SPATC1: variants seen among roughly 807,000 people sequenced by gnomAD.
SPATC1 encodes spermatogenesis and centriole associated 1, also known as speriolin.
SPATC1 carries 35 observed loss-of-function variants against 36.5 expected under a neutral mutation model. The ratio of observed to expected loss-of-function variants is 0.96; its 90% CI spans 0.73 to 1.27. SPATC1 has a LOEUF of 1.27. Among genes scored for constraint, SPATC1 ranks in the 50% most tolerant of loss-of-function variants. SPATC1 has a pLI of 0.00. For missense variants in SPATC1, 779 were observed against 796.0 expected, an observed-to-expected ratio of 0.98 and a Z score of 0.26; for synonymous variants, 361 against 353.6, an observed-to-expected ratio of 1.02 and a Z score of -0.24.
At chr8:144,024,865 C>T (rs1413591369) in intron 1 of SPATC1, among the ~76,000 whole-genome samples, 1 of 16,972 alleles carries the variant, frequency 5.9e-5, no homozygotes, top group African/African-American at 1.9e-4. Flanking sequence ...CCCTGAGGAA[C>T]CTTTCCTTTC....
At chr8:144,026,744 T>C (rs1411671114) in intron 1 of SPATC1, among the ~76,000 whole-genome samples, 4 of 152,188 alleles carry the variant, frequency 2.6e-5, no homozygotes, top group African/African-American at 7.2e-5. Flanking sequence ...GCCATTTGTA[T>C]ATCTTTTGAG....
chr8:144,030,512 C>G (rs1834772395), intron 1 of SPATC1, among the ~76,000 whole-genome samples: 1 of 152,178 alleles, frequency 6.6e-6, no homozygotes, highest in African/African-American at 2.4e-5. Context: ...GCATCAGCCA[C>G]CACGCCTGGC....
At chr8:144,042,037 C>G in intron 4 of SPATC1, 2 of 982,310 alleles carry the variant, frequency 2.0e-6, no homozygotes, top group Non-Finnish European at 2.4e-6. Context: ...AGCCATTACA[C>G]TCCAGCCTGG....
Position 144,040,940 on chromosome 8 carries a change from ACTGTCCTC to A in SPATC1, c.1141_1148del (p.Cys381ThrfsTer18). The A allele has an allele frequency of 6.4e-7, 1 of 1,558,930 alleles. No individual in the cohort carries two copies. On this transcript the variant is annotated frameshift_variant, in exon 3 of 5. Transcript: ENST00000377470. LOFTEE classifies it high-confidence loss of function. ...CCAACCCAGAACCTGCCTGTCCCCCACTGTCCTCCACACAACGCCCACTCCCCACCTCG... is the reference window on the plus strand; with the variant it reads ...CCAACCCAGAACCTGCCTGTCCCCCACACACAACGCCCACTCCCCACCTCG...
At chr8:144,043,631 C>G (rs1835175708) in intron 4 of SPATC1, among the ~76,000 whole-genome samples, 1 of 151,724 alleles carries the variant, frequency 6.6e-6, no homozygotes, top group Non-Finnish European at 1.5e-5. Context: ...CTGCCTCGGT[C>G]TCCCAAAGTG....
Position 144,012,738 on chromosome 8 carries a change from C to T in SPATC1, c.211+12C>T, listed in dbSNP as rs782387116. ...ACGCCAGAACAATGGTAAGAGGCCT[C>T]GCTCCCAAGAGAGTGAGGAGGGAAG... On this transcript the variant is annotated intron_variant, in intron 1 of 4. Transcript: ENST00000377470. The T allele has an allele frequency of 2.7e-5, 42 of 1,551,322 alleles. No individual in the cohort carries two copies. Among genetic ancestry groups the T allele is most frequent in the Middle Eastern group, 1.7e-4 (1 of 6,010 alleles).
chr8:144,043,924 C>T (rs571657218), intron 4 of SPATC1, among the ~76,000 whole-genome samples: 11 of 152,298 alleles, frequency 7.2e-5, no homozygotes, highest in South Asian at 2.1e-4. Flanking sequence ...GGTGTGGACA[C>T]GGTCACGTGT....
At chr8:144,012,259 C>A (rs183404587), upstream of SPATC1, among the ~76,000 whole-genome samples, 1 of 152,130 alleles carries the variant, frequency 6.6e-6, no homozygotes, top group Non-Finnish European at 1.5e-5. Flanking sequence ...GTGAAGTTGG[C>A]GAGACAGAGA....
chr8:144,025,809 G>A (rs1006110258), intron 1 of SPATC1, among the ~76,000 whole-genome samples: 25 of 152,162 alleles, frequency 1.6e-4, no homozygotes, highest in Admixed American at 1.4e-3. Context: ...GTCTGTGCCT[G>A]CAGAGCCTGT....
At chr8:144,019,041 CAAAAAAAAAAA>C (rs1212175839) in intron 1 of SPATC1, among the ~76,000 whole-genome samples, 15 of 56,368 alleles carry the variant, frequency 2.7e-4, no homozygotes, top group African/African-American at 8.9e-4. Context: ...GACTCCGTCT[CAAAAAAAAAAA>C]AAAAAAAAAA....
intron 2 of SPATC1, 42 bp downstream of exon 2, chr8:144,040,505 G>A: frequency 6.4e-7 from 1 of 1,561,508 alleles, no homozygotes; most frequent in Non-Finnish European, 8.7e-7. Context: ...GTGGGGGGGG[G>A]CAGAGCCCTC....
At chr8:144,012,260 G>A (rs6985603), upstream of SPATC1, among the ~76,000 whole-genome samples, 29 of 152,098 alleles carry the variant, frequency 1.9e-4, no homozygotes, top group Admixed American at 4.6e-4. Flanking sequence ...TGAAGTTGGC[G>A]AGACAGAGAA....
intron 1 of SPATC1, among the ~76,000 whole-genome samples, chr8:144,037,097 C>T (rs1343592890): frequency 1.6e-5 from 2 of 126,138 alleles, no homozygotes; most frequent in South Asian, 6.1e-4. Context: ...GCCGGCTGGG[C>T]GGGGGGCTGA....
At chr8:144,019,344 T>C (rs1398947047) in intron 1 of SPATC1, among the ~76,000 whole-genome samples, 1 of 152,184 alleles carries the variant, frequency 6.6e-6, no homozygotes, top group Non-Finnish European at 1.5e-5. Flanking sequence ...GCCAGTGGAC[T>C]GAGATCTGGA....
At chr8:144,024,302 C>T (rs1834626782) in intron 1 of SPATC1, among the ~76,000 whole-genome samples, 1 of 150,150 alleles carries the variant, frequency 6.7e-6, no homozygotes, top group Admixed American at 6.6e-5. Context: ...ACCCTCTTCC[C>T]TCATAAACTT....
At chr8:144,043,454 G>A (rs1195156031) in intron 4 of SPATC1, among the ~76,000 whole-genome samples, 1 of 152,062 alleles carries the variant, frequency 6.6e-6, no homozygotes, top group East Asian at 1.9e-4. Context: ...GCTAATTTTT[G>A]TATTTTTAGG....
intron 4 of SPATC1, chr8:144,041,891 T>G: frequency 9.9e-4 from 928 of 939,990 alleles, no homozygotes; most frequent in Non-Finnish European, 1.1e-3. Context: ...GGAGCTACTG[T>G]GAGCTGCGTG....
intron 1 of SPATC1, among the ~76,000 whole-genome samples, chr8:144,023,799 TAGAA>T (rs1834607321): frequency 0.049 from 13 of 266 alleles, 6 homozygotes; most frequent in Admixed American, 0.23. Context: ...CAGAACCCTC[TAGAA>T]CCCTGTCCCT....
At chr8:144,022,866 C>T (rs1285922702) in intron 1 of SPATC1, among the ~76,000 whole-genome samples, 5 of 151,290 alleles carry the variant, frequency 3.3e-5, no homozygotes, top group African/African-American at 4.9e-5. Context: ...CTCCTCAGGA[C>T]CATATCGCCT....
Sources: allele counts gnomAD v4.1 joint callset (sites outside exome capture counted in the v4.1 genomes callset), GRCh38; gene constraint gnomAD v4.1.1; transcripts MANE v1.5; gene names NCBI Gene and HGNC (gene_info 2026-07-23, HGNC 2026-07-21).